Variants in CUX1 observed in about 807,000 individuals in gnomAD.
CUX1 encodes the protein protein CASP.
CUX1 carries 31 observed loss-of-function variants against 158.8 expected under a neutral mutation model. That is an observed-to-expected ratio of 0.20 (90% CI 0.15 to 0.26). The LOEUF (loss-of-function observed/expected upper bound fraction) is 0.26. Ranked by LOEUF, CUX1 falls within the 10% of genes least tolerant of loss-of-function variation. CUX1 has a pLI of 1.00. For synonymous variants in CUX1, 879 were observed against 862.1 expected (o/e 1.02, Z -0.34); for missense variants, 1,589 against 2,014.6 (o/e 0.79, Z 4.04).
At chr7:101,969,796 C>G (rs1811710505) in intron 2 of CUX1, among the ~76,000 whole-genome samples, 1 of 151,874 alleles carries the variant, frequency 6.6e-6, no homozygotes, top group Non-Finnish European at 1.5e-5. Flanking sequence ...CTTCTGGAAC[C>G]TGCTTAAATG....
At chr7:102,059,470 A>G (rs554405642) in intron 3 of CUX1, among the ~76,000 whole-genome samples, 1 of 151,912 alleles carries the variant, frequency 6.6e-6, no homozygotes, top group East Asian at 1.9e-4. Context: ...CCCATCTACT[A>G]AAAATACAAA....
At chr7:101,906,441 G>A (rs1479499270) in intron 1 of CUX1, among the ~76,000 whole-genome samples, 4 of 151,966 alleles carry the variant, frequency 2.6e-5, no homozygotes, top group Non-Finnish European at 5.9e-5. Context: ...GAGGTCCGAG[G>A]GGAAAGGAGG....
At chr7:102,047,125 C>T (rs1013120237) in intron 3 of CUX1, among the ~76,000 whole-genome samples, 10 of 152,038 alleles carry the variant, frequency 6.6e-5, no homozygotes, top group Admixed American at 2.0e-4. Context: ...AGAACTAGAC[C>T]CTGGTTAGTG....
At chr7:101,837,652 G>T (rs1196008430) in intron 1 of CUX1, among the ~76,000 whole-genome samples, 1 of 151,536 alleles carries the variant, frequency 6.6e-6, no homozygotes, top group African/African-American at 2.4e-5. Context: ...AACATAGTGA[G>T]ACCCTCTCTA....
At chr7:102,090,992 A>G (rs1209222989) in intron 4 of CUX1, among the ~76,000 whole-genome samples, 1 of 152,176 alleles carries the variant, frequency 6.6e-6, no homozygotes, top group South Asian at 2.1e-4. Flanking sequence ...ACTTGAACAC[A>G]TGCAGCCTGG....
intron 1 of CUX1, among the ~76,000 whole-genome samples, chr7:101,867,563 G>A (rs755416716): frequency 1.2e-4 from 19 of 152,190 alleles, no homozygotes; most frequent in East Asian, 1.9e-4. Flanking sequence ...GTGCGGCCAC[G>A]CTTAATAAAC....
At chr7:102,216,578 ACTCTCC>A (rs1797115827) in intron 20 of CUX1, among the ~76,000 whole-genome samples, 1 of 36,360 alleles carries the variant, frequency 2.8e-5, no homozygotes, top group African/African-American at 7.1e-5. Context: ...CCACACACAC[ACTCTCC>A]CACACACACA....
At chr7:102,083,927 C>T (rs1273562767) in intron 4 of CUX1, among the ~76,000 whole-genome samples, 1 of 146,212 alleles carries the variant, frequency 6.8e-6, no homozygotes, top group Non-Finnish European at 1.5e-5. Flanking sequence ...GCTTCATCAC[C>T]AAGGCTGGAG....
At chr7:101,984,121 TATATATATAC>T (rs1314273183) in intron 2 of CUX1, among the ~76,000 whole-genome samples, 1,630 of 41,456 alleles carry the variant, frequency 0.039, 234 homozygotes, top group East Asian at 0.097. Flanking sequence ...TATATATATA[TATATATATAC>T]ACACACACAT....
At chr7:102,051,429 C>T (rs1176273359) in intron 3 of CUX1, among the ~76,000 whole-genome samples, 1 of 151,904 alleles carries the variant, frequency 6.6e-6, no homozygotes, top group Non-Finnish European at 1.5e-5. Context: ...GGGCGTATCA[C>T]CTGAGCTCAG....
chr7:102,204,327 C>T, intron 18 of CUX1, 64 bp from the exon 19 acceptor site: 1 of 1,583,182 alleles, frequency 6.3e-7, no homozygotes, highest in Non-Finnish European at 8.6e-7. Flanking sequence ...TGCATTGCAG[C>T]AGCATCTGTG....
In CUX1 at chr7:101,981,617, C is replaced by CT. The variant is rs201125709; in HGVS notation, c.142-46468dup. Among the ~76,000 whole-genome samples, 822 of 145,580 alleles carry CT rather than the reference C, an allele frequency of 5.6e-3. 6 individuals are homozygous for CT. The highest frequency in any genetic ancestry group is 0.016 in the African/African-American group (629 of 40,020). ...TGTCAGAGGCTCTGAAGTTTAAAGT[C>CT]TTTTTTTTTTTTTGAGACGGAGTCT... On this transcript the variant is annotated intron_variant, in intron 2 of 23. Coordinates refer to ENST00000292535, the MANE Select transcript of CUX1 (RefSeq NM_181552.4).
chr7:102,220,910 C>A (rs186638624), intron 20 of CUX1, among the ~76,000 whole-genome samples: 3 of 152,116 alleles, frequency 2.0e-5, no homozygotes, highest in Non-Finnish European at 4.4e-5. Flanking sequence ...AGGGTTTTGC[C>A]GTGTTAGCAG....
intron 8 of CUX1, among the ~76,000 whole-genome samples, chr7:102,129,163 G>C (rs1832956424): frequency 1.3e-5 from 2 of 152,138 alleles, no homozygotes; most frequent in African/African-American, 2.4e-5. Context: ...TCCATGATGA[G>C]TTTGTAAAAA....
chr7:102,132,206 G>GTGGATAGATGGATGGGCGGA (rs1833328128), intron 8 of CUX1, among the ~76,000 whole-genome samples: 6 of 145,996 alleles, frequency 4.1e-5, no homozygotes, highest in Non-Finnish European at 6.0e-5. Flanking sequence ...GGATGGGCGG[G>GTGGATAGATGGATGGGCGGA]TGGATAGATG....
At chr7:102,228,579 G>C (rs1207208283) in intron 21 of CUX1, among the ~76,000 whole-genome samples, 1 of 152,082 alleles carries the variant, frequency 6.6e-6, no homozygotes, top group African/African-American at 2.4e-5. Flanking sequence ...AGGATCGCTT[G>C]AGTCCAGCCA....
chr7:101,997,466 C>T (rs563363909), intron 2 of CUX1, among the ~76,000 whole-genome samples: 2 of 151,472 alleles, frequency 1.3e-5, no homozygotes, highest in South Asian at 2.1e-4. Flanking sequence ...GCCCCAGCCT[C>T]CCGAATAGCT....
At chr7:101,846,896 C>G (rs921571665) in intron 1 of CUX1, among the ~76,000 whole-genome samples, 20 of 151,988 alleles carry the variant, frequency 1.3e-4, no homozygotes, top group African/African-American at 4.6e-4. Flanking sequence ...CTTTGGGAAT[C>G]CAAAGTGAGA....
At chr7:102,083,928 A>G (rs1435901290) in intron 4 of CUX1, among the ~76,000 whole-genome samples, 1 of 146,344 alleles carries the variant, frequency 6.8e-6, no homozygotes, top group Non-Finnish European at 1.5e-5. Flanking sequence ...CTTCATCACC[A>G]AGGCTGGAGT....
Sources: allele counts gnomAD v4.1 joint callset (sites outside exome capture counted in the v4.1 genomes callset), GRCh38; gene constraint gnomAD v4.1.1; transcripts MANE v1.5; gene names NCBI Gene and HGNC (gene_info 2026-07-23, HGNC 2026-07-21).